The following GRID2 variants were observed in gnomAD, a reference collection of about 807,000 sequenced individuals.
The protein encoded by GRID2 is glutamate receptor ionotropic, delta-2.
Under a neutral mutation model 114.8 loss-of-function variants are expected in GRID2, and 33 were observed. The observed-to-expected ratio is 0.29, with a 90% CI of 0.22 to 0.38. The LOEUF (loss-of-function observed/expected upper bound fraction) is 0.38, where lower values mean the gene tolerates loss of function less well. GRID2 is among the 10% of genes least tolerant of loss of function. The pLI is 1.00. For missense variants in GRID2, 1,184 were observed against 1,257.7 expected, an observed-to-expected ratio of 0.94 and a Z score of 0.89; for synonymous variants, 505 against 449.9, an observed-to-expected ratio of 1.12 and a Z score of -1.55.
intron 1 of GRID2, among the ~76,000 whole-genome samples, chr4:92,580,607 GCCTAC>G (rs1032774811): frequency 7.2e-6 from 1 of 139,106 alleles, no homozygotes; most frequent in Non-Finnish European, 1.6e-5. Context: ...GTAGAAGACA[GCCTAC>G]ACTATATTAT....
At chr4:92,631,832 G>A (rs551906245) in intron 2 of GRID2, among the ~76,000 whole-genome samples, 7 of 152,072 alleles carry the variant, frequency 4.6e-5, no homozygotes, top group Non-Finnish European at 7.4e-5. Context: ...TCATTTAGTC[G>A]CAAGAGAAAC....
At chr4:93,594,068 C>A (rs1207937944) in intron 13 of GRID2, among the ~76,000 whole-genome samples, 1 of 152,216 alleles carries the variant, frequency 6.6e-6, no homozygotes, top group African/African-American at 2.4e-5. Flanking sequence ...CAAAGTCGTT[C>A]TCCGTCCAGC....
chr4:93,439,780 AG>A (rs983596342), intron 10 of GRID2, among the ~76,000 whole-genome samples: 4 of 152,046 alleles, frequency 2.6e-5, no homozygotes, highest in African/African-American at 9.7e-5. Context: ...AGAGAACCTG[AG>A]AATGTGATGA....
chr4:93,029,516 T>C (rs1156810556), intron 2 of GRID2, among the ~76,000 whole-genome samples: 1 of 152,130 alleles, frequency 6.6e-6, no homozygotes, highest in Non-Finnish European at 1.5e-5. Flanking sequence ...AAACTGTGTT[T>C]GTTTTAAGAT....
chr4:92,891,168 T>C (rs1487446631), intron 2 of GRID2, among the ~76,000 whole-genome samples: 2 of 152,038 alleles, frequency 1.3e-5, no homozygotes, highest in African/African-American at 2.4e-5. Flanking sequence ...CTAATGTAGA[T>C]GATGGGTTGA....
At chr4:93,392,211 TTC>T (rs1243839339) in intron 8 of GRID2, among the ~76,000 whole-genome samples, 1 of 152,114 alleles carries the variant, frequency 6.6e-6, no homozygotes, top group African/African-American at 2.4e-5. Flanking sequence ...TGTGTGTGTG[TTC>T]TCTTTACTAG....
intron 1 of GRID2, among the ~76,000 whole-genome samples, chr4:92,510,648 A>G (rs1306434736): frequency 1.3e-5 from 2 of 151,758 alleles, no homozygotes; most frequent in South Asian, 2.1e-4. Context: ...CTAGTGTTCT[A>G]TTGCACAGTA....
chr4:93,533,244 CTCTTCCTTCCTTCCTT>C (rs1262728371), intron 13 of GRID2, among the ~76,000 whole-genome samples: 11 of 142,570 alleles, frequency 7.7e-5, no homozygotes, highest in Middle Eastern at 3.9e-3. Flanking sequence ...CTTTCTTTCT[CTCTTCCTTCCTTCCTT>C]CCTTCCTTCC....
intron 2 of GRID2, among the ~76,000 whole-genome samples, chr4:92,848,184 A>G (rs899572590): frequency 2.6e-5 from 4 of 151,354 alleles, no homozygotes; most frequent in Non-Finnish European, 4.4e-5. Flanking sequence ...TGTTCACACC[A>G]CAGAAATCAA....
chr4:93,585,251 A>G (rs1737410908), intron 13 of GRID2, among the ~76,000 whole-genome samples: 1 of 152,022 alleles, frequency 6.6e-6, no homozygotes, highest in Admixed American at 6.6e-5. Context: ...ATCCCTCAGG[A>G]TCTTGATCTC....
intron 2 of GRID2, among the ~76,000 whole-genome samples, chr4:92,944,690 A>G (rs1751481238): frequency 6.6e-6 from 1 of 152,204 alleles, no homozygotes; most frequent in Non-Finnish European, 1.5e-5. Context: ...CTATTTGGCC[A>G]TCTTCAATAT....
intron 14 of GRID2, among the ~76,000 whole-genome samples, chr4:93,705,449 A>T (rs1255120354): frequency 6.6e-6 from 1 of 151,598 alleles, no homozygotes; most frequent in Non-Finnish European, 1.5e-5. Flanking sequence ...TCCCTGCCTC[A>T]GCCTCCCTAG....
intron 4 of GRID2, among the ~76,000 whole-genome samples, chr4:93,195,911 G>T (rs1741442704): frequency 6.6e-6 from 1 of 152,168 alleles, no homozygotes; most frequent in African/African-American, 2.4e-5. Flanking sequence ...GACTTCGAAT[G>T]TTCTTGCTTT....
chr4:92,469,643 G>A (rs938734651), intron 1 of GRID2, among the ~76,000 whole-genome samples: 3 of 151,690 alleles, frequency 2.0e-5, no homozygotes, highest in Non-Finnish European at 2.9e-5. Context: ...GATTGTAACC[G>A]ATATCGGATC....
intron 1 of GRID2, among the ~76,000 whole-genome samples, chr4:92,348,785 G>T (rs569885423): frequency 1.3e-5 from 2 of 152,178 alleles, no homozygotes; most frequent in Admixed American, 1.3e-4. Flanking sequence ...GCAAGGTAAA[G>T]ATAACAACCA....
intron 10 of GRID2, among the ~76,000 whole-genome samples, chr4:93,430,839 A>T (rs1281928784): frequency 1.3e-5 from 2 of 152,232 alleles, no homozygotes; most frequent in Non-Finnish European, 2.9e-5. Context: ...AATAACAGGT[A>T]GTAATTATCT....
intron 1 of GRID2, among the ~76,000 whole-genome samples, chr4:92,383,674 C>A: frequency 6.6e-6 from 1 of 151,712 alleles, no homozygotes; most frequent in East Asian, 1.9e-4. Flanking sequence ...CTTTTTCTTC[C>A]TCTTCCTCTT....
chr4:93,419,832 C>A (rs1468241042), intron 9 of GRID2, among the ~76,000 whole-genome samples: 2 of 151,970 alleles, frequency 1.3e-5, no homozygotes, highest in Non-Finnish European at 2.9e-5. Context: ...GAAAATATAA[C>A]CATTTAGTAC....
chr4:92,411,826 T>C (rs914665533), intron 1 of GRID2, among the ~76,000 whole-genome samples: 12 of 151,326 alleles, frequency 7.9e-5, no homozygotes, highest in Non-Finnish European at 1.5e-4. Flanking sequence ...CTGCCTCAGC[T>C]TCCCGAGTAG....
Sources: allele counts gnomAD v4.1 joint callset (sites outside exome capture counted in the v4.1 genomes callset), GRCh38; gene constraint gnomAD v4.1.1; transcripts MANE v1.5; gene names NCBI Gene and HGNC (gene_info 2026-07-23, HGNC 2026-07-21).